The following SARM1 variants were observed in gnomAD, a reference collection of about 807,000 sequenced individuals.
SARM1 encodes sterile alpha and TIR motif containing 1, also known as NAD(+) hydrolase SARM1.
Under a neutral mutation model 65.1 loss-of-function variants are expected in SARM1, and 60 were observed. That is an observed-to-expected ratio of 0.92 (90% CI 0.75 to 1.14). SARM1 has a LOEUF of 1.14. Ranked by LOEUF, SARM1 falls within the 50% of genes most tolerant of loss-of-function variation. The probability of loss-of-function intolerance (pLI) is 0.00; values close to 1 mark genes in which losing one functional copy is unlikely to be tolerated. For missense variants in SARM1, 913 were observed against 1,015.7 expected, an observed-to-expected ratio of 0.90 and a Z score of 1.37; for synonymous variants, 417 against 465.4, an observed-to-expected ratio of 0.90 and a Z score of 1.34.
At chr17:28,376,403 CAA>C (rs58695374) in intron 1 of SARM1, among the ~76,000 whole-genome samples, 2 of 84,012 alleles carry the variant, frequency 2.4e-5, no homozygotes, top group African/African-American at 9.2e-5. Flanking sequence ...ACTAAAAATA[CAA>C]AAAAAAAAAA....
Position 28,372,911 on chromosome 17 carries a change from A to G in SARM1, c.470+409A>G, listed in dbSNP as rs529793688. Reference sequence around the variant, plus strand: ...TCGCCATCATCCCATCCCTCTCCCAATGAGAGAAGAAGGGAAACACAACGC... The same window carrying G: ...TCGCCATCATCCCATCCCTCTCCCAGTGAGAGAAGAAGGGAAACACAACGC... On this transcript the variant is annotated intron_variant, in intron 1 of 8. Coordinates refer to ENST00000585482, the MANE Select transcript of SARM1 (RefSeq NM_015077.4). The surrounding 1 kb of genome is among the most constrained non-coding windows in gnomAD (Gnocchi z 5.2). 9 of 168,152 alleles carry G rather than the reference A, an allele frequency of 5.4e-5. No homozygotes were observed. The highest frequency in any genetic ancestry group is 1.7e-4 in the South Asian group (1 of 5,954). The allele number at this position is 168,152 out of a possible 1,614,324, so 10.4% of individuals were successfully genotyped here.
rs1404069926 is a variant in SARM1, at chr17:28,372,830, C to G, written c.470+328C>G. On this transcript the variant is annotated intron_variant, in intron 1 of 8. Coordinates refer to ENST00000585482, the MANE Select transcript of SARM1 (RefSeq NM_015077.4). This position sits in a 1 kb window ranked among gnomAD's most constrained non-coding sequence, Gnocchi z 5.2. Reference sequence around the variant, plus strand: ...GCCAATTCTCCCTCTCCCCCGCCCCCCAAGCCCACAGCTCTCCTTCCCACC... The same window carrying G: ...GCCAATTCTCCCTCTCCCCCGCCCCGCAAGCCCACAGCTCTCCTTCCCACC... Among the ~76,000 whole-genome samples, 3 of 152,166 alleles carry G rather than the reference C, an allele frequency of 2.0e-5. No homozygotes were observed. The highest frequency in any genetic ancestry group is 7.2e-5 in the African/African-American group (3 of 41,430).
In SARM1 at chr17:28,401,949, C is replaced by T. The variant is rs372359024; in HGVS notation, c.*5663C>T. On this transcript the variant is annotated 3_prime_UTR_variant, in exon 9 of 9. Coordinates refer to ENST00000585482, the MANE Select transcript of SARM1 (RefSeq NM_015077.4). ...GGCATCACCACACCCATCTTACAGACGGAAAAGCTGAGGTCTGCAGAGAGT... is the reference window on the plus strand; with the variant it reads ...GGCATCACCACACCCATCTTACAGATGGAAAAGCTGAGGTCTGCAGAGAGT... 59 of 242,654 alleles carry T rather than the reference C, an allele frequency of 2.4e-4. No individual in the cohort carries two copies. Among genetic ancestry groups the T allele is most frequent in the East Asian group, 6.4e-4 (8 of 12,492 alleles). 15.0% of individuals were successfully genotyped at this position (242,654 alleles called of 1,614,324 possible).
Position 28,372,502 on chromosome 17 carries a change from G to T in SARM1, c.470G>T (p.Arg157Leu). Residue 157 changes from arginine to leucine, a missense_variant and splice_region_variant, in exon 1 of 9, where the codon CGA becomes CTA. By Grantham distance (102) the Arg-to-Leu change is moderately radical. Transcript: ENST00000585482. This position sits in a 1 kb window ranked among gnomAD's most constrained non-coding sequence, Gnocchi z 5.2. ...LLEQILVAEN[R>L]DRVARIGLGV... The stretch of plus-strand genomic sequence containing the variant: ...GAGCAGATCCTGGTGGCTGAGAACC[G>T]GTGAGCGCGCCAGGCCGGGGTTGGG... 1 of 1,526,644 alleles carries T rather than the reference G, an allele frequency of 6.6e-7. No individual in the cohort carries two copies. The highest frequency in any genetic ancestry group is 1.2e-5 in the South Asian group (1 of 83,558). The allele number at this position is 1,526,644 out of a possible 1,614,324, so 94.6% of individuals were successfully genotyped here. A position where few individuals can be genotyped will look rare whatever the true frequency, so the allele number is the denominator to read the frequency against.
At position 28,381,555 on chromosome 17, in the gene SARM1, G is replaced by GC; in HGVS notation, c.824dup (p.Val276GlyfsTer5). ...TCGGCTGCACGCCTGCCTCGCAGTA[G>GC]CGGTGTTGGCGACTAACAAGGAGGT... On this transcript the variant is annotated frameshift_variant, in exon 2 of 9. Transcript: ENST00000585482. LOFTEE classifies it high-confidence loss of function. The GC allele has an allele frequency of 6.3e-7, 1 of 1,589,728 alleles. No individual in the cohort carries two copies. The highest frequency in any genetic ancestry group is 8.6e-7 in the Non-Finnish European group (1 of 1,169,440).
chr17:28,389,049 A>T (rs1555586550), intron 7 of SARM1, among the ~76,000 whole-genome samples: 1 of 151,946 alleles, frequency 6.6e-6, no homozygotes, highest in Non-Finnish European at 1.5e-5. Context: ...ACCTTATAGA[A>T]CTGTTGTGAG....
rs2142455207 is a variant in SARM1, at chr17:28,400,730, A to G, written c.*4444A>G. 1 of 1,597,754 alleles carries G rather than the reference A, an allele frequency of 6.3e-7. No individual in the cohort carries two copies. Among genetic ancestry groups the G allele is most frequent in the Non-Finnish European group, 8.5e-7 (1 of 1,172,230 alleles). On this transcript the variant is annotated 3_prime_UTR_variant, in exon 9 of 9. Transcript: ENST00000585482. ...GATGCCGGAGGCCGTCAGCATGGCC[A>G]GGCTATTCACACAGGCCACAGCAGA...
chr17:28,396,105 A>AGCAGCTCCCTCTGCCCAGCTGTCTG, intron 8 of SARM1, 52 bp from the exon 9 acceptor site: 2 of 1,613,740 alleles, frequency 1.2e-6, no homozygotes, highest in South Asian at 2.2e-5. Flanking sequence ...ACAGCTGACT[A>AGCAGCTCCCTCTGCCCAGCTGTCTG]GCAGCTCCCT....
intron 7 of SARM1, chr17:28,395,667 C>G: frequency 4.1e-6 from 2 of 491,846 alleles, no homozygotes; most frequent in Non-Finnish European, 7.3e-6. Flanking sequence ...TACAAAGACA[C>G]TCATCACTCA....
chr17:28,375,646 A>T (rs2067984821), intron 1 of SARM1, among the ~76,000 whole-genome samples: 1 of 151,968 alleles, frequency 6.6e-6, no homozygotes, highest in Admixed American at 6.6e-5. Context: ...AATTCAAAAA[A>T]GTGGAAAAGC....
rs781801199 is a variant in SARM1 at position 28,402,317 on chromosome 17, A to C, written c.*6031A>C. 6.2e-7 allele frequency: 1 copy of C among 1,613,008 alleles called. No individual in the cohort carries two copies. Among genetic ancestry groups the C allele is most frequent in the South Asian group, 1.1e-5 (1 of 90,782 alleles). The stretch of plus-strand genomic sequence containing the variant: ...TGACTAATGACAGGAAAAGCAACCC[A>C]TATCCTGTGGAGAAACAAACACTCA... On this transcript the variant is annotated 3_prime_UTR_variant, in exon 9 of 9. Transcript: ENST00000585482.
In SARM1 at chr17:28,384,585, A is replaced by G; in HGVS notation, c.1302+16A>G. On this transcript the variant is annotated intron_variant, in intron 3 of 8. Coordinates refer to ENST00000585482, the MANE Select transcript of SARM1 (RefSeq NM_015077.4). The surrounding 1 kb of genome is among the most constrained non-coding windows in gnomAD (Gnocchi z 4.4). Reference sequence around the variant, plus strand: ...GAGCTTCCGGGTAGAGTCGCGTGGGATACGCCTCCCCCGAGTCAGAGCGGG... The same window carrying G: ...GAGCTTCCGGGTAGAGTCGCGTGGGGTACGCCTCCCCCGAGTCAGAGCGGG... 1 of 1,576,494 alleles carries G rather than the reference A, an allele frequency of 6.3e-7. No individual in the cohort carries two copies. Among genetic ancestry groups the G allele is most frequent in the Non-Finnish European group, 8.6e-7 (1 of 1,160,788 alleles).
At position 28,373,024 on chromosome 17, in the gene SARM1, G is replaced by A. The variant is rs184150302; in HGVS notation, c.470+522G>A. ...TGAGGCTGCTTACTCCCTTCTTGCC[G>A]CCCCAATCCAACTTCTGCTCCATCC... On this transcript the variant is annotated intron_variant, in intron 1 of 8. Coordinates refer to ENST00000585482, the MANE Select transcript of SARM1 (RefSeq NM_015077.4). The A allele has an allele frequency of 2.6e-3, 405 of 152,948 alleles. 5 individuals are homozygous for A. Among genetic ancestry groups the A allele is most frequent in the South Asian group, 0.021 (101 of 4,896 alleles). 9.5% of individuals were successfully genotyped at this position (152,948 alleles called of 1,614,324 possible). A position where few individuals can be genotyped will look rare whatever the true frequency, so the allele number is the denominator to read the frequency against.
At chr17:28,374,261 T>C (rs534341457) in intron 1 of SARM1, 1 of 120,860 alleles carries the variant, frequency 8.3e-6, no homozygotes, top group South Asian at 2.5e-4. Context: ...CCACGCTGGA[T>C]GACAGAGCAA....
At position 28,399,909 on chromosome 17, in the gene SARM1, T is replaced by C; in HGVS notation, c.*3623T>C. ...CTCTGGAAAATAACTTTTTTTTTTT[T>C]AAGAGACAGGGTCTTGCTCTGTTGT... On this transcript the variant is annotated 3_prime_UTR_variant, in exon 9 of 9. Coordinates refer to ENST00000585482, the MANE Select transcript of SARM1 (RefSeq NM_015077.4). 1 of 571,668 alleles carries C rather than the reference T, an allele frequency of 1.7e-6. No homozygotes were observed. Among genetic ancestry groups the C allele is most frequent in the South Asian group, 2.0e-5 (1 of 50,458 alleles). 35.4% of individuals were successfully genotyped at this position (571,668 alleles called of 1,614,324 possible).
In SARM1 at chr17:28,385,803, A is replaced by G. The variant is rs2068047955; in HGVS notation, c.1630+528A>G. Among the ~76,000 whole-genome samples, 1 of 152,288 alleles carries G rather than the reference A, an allele frequency of 6.6e-6. No individual in the cohort carries two copies. Among genetic ancestry groups the G allele is most frequent in the East Asian group, 1.9e-4 (1 of 5,184 alleles). ...GGTTTAGAGTGAATTCTAGGCCTCT[A>G]GCCACCCTCCTTATTTACTAATTTA... On this transcript the variant is annotated intron_variant, in intron 5 of 8. Coordinates refer to ENST00000585482, the MANE Select transcript of SARM1 (RefSeq NM_015077.4). The surrounding 1 kb of genome is among the most constrained non-coding windows in gnomAD (Gnocchi z 4.5).
chr17:28,376,306 C>A (rs1185264210), intron 1 of SARM1, among the ~76,000 whole-genome samples: 1 of 150,714 alleles, frequency 6.6e-6, no homozygotes, highest in Non-Finnish European at 1.5e-5. Context: ...CGCCTGTAAT[C>A]TCAGCACTTT....
chr17:28,384,536 GA>G lies in SARM1; in HGVS notation c.1270del (p.Ile424SerfsTer34), dbSNP rs1203173326. On this transcript the variant is annotated frameshift_variant, in exon 3 of 9. Transcript: ENST00000585482. LOFTEE classifies it high-confidence loss of function. The surrounding 1 kb of genome is among the most constrained non-coding windows in gnomAD (Gnocchi z 4.4). ...CCGAGGTTCAGACGTGGCTGCAGCAGATCGGTTTCTCCAAGTACTGCGAGAG... is the reference window on the plus strand; with the variant it reads ...CCGAGGTTCAGACGTGGCTGCAGCAGTCGGTTTCTCCAAGTACTGCGAGAG... ...EAEVQTWLQQ[I>X]GFSKYCESFR... 6.2e-7 allele frequency: 1 copy of G among 1,612,022 alleles called. No homozygotes were observed. The highest frequency in any genetic ancestry group is 8.5e-7 in the Non-Finnish European group (1 of 1,179,328).
chr17:28,386,150 A>T (rs1239453297), intron 5 of SARM1, among the ~76,000 whole-genome samples: 3 of 152,058 alleles, frequency 2.0e-5, no homozygotes, highest in Non-Finnish European at 4.4e-5. Context: ...AAAAAAATAC[A>T]AAAAATTAGC....
Sources: allele counts gnomAD v4.1 joint callset (sites outside exome capture counted in the v4.1 genomes callset), GRCh38; gene constraint gnomAD v4.1.1; non-coding constraint Gnocchi (gnomAD v3.1); transcripts MANE v1.5; gene names NCBI Gene and HGNC (gene_info 2026-07-23, HGNC 2026-07-21).